FMO1: variants seen among roughly 807,000 people sequenced by gnomAD.
The protein encoded by FMO1 is flavin containing dimethylaniline monoxygenase 1.
In FMO1, 36 loss-of-function variants were observed where a neutral mutation model predicts 45.4. The ratio of observed to expected loss-of-function variants is 0.79; its 90% CI spans 0.61 to 1.05. The LOEUF (loss-of-function observed/expected upper bound fraction) is 1.05, where lower values mean the gene tolerates loss of function less well. Among genes scored for constraint, FMO1 ranks in the 50% least tolerant of loss-of-function variants. FMO1 has a pLI of 0.00. For missense variants in FMO1, 615 were observed against 640.3 expected, an observed-to-expected ratio of 0.96 and a Z score of 0.43; for synonymous variants, 228 against 227.2, an observed-to-expected ratio of 1.00 and a Z score of -0.03.
At chr1:171,283,302 A>C in intron 8 of FMO1, 86 bp downstream of exon 8, 2 of 558,416 alleles carry the variant, frequency 3.6e-6, no homozygotes, top group Non-Finnish European at 5.7e-6. Flanking sequence ...AAAAAAGGAA[A>C]TGAAAAAGAA....
At chr1:171,283,056 G>C in intron 7 of FMO1, 88 bp from the exon 8 acceptor site, 1 of 748,742 alleles carries the variant, frequency 1.3e-6, no homozygotes, top group Middle Eastern at 2.6e-4. Flanking sequence ...GACGTGAAAG[G>C]AGAGCCATAG....
At chr1:171,264,811 A>G (rs374332018) in intron 2 of FMO1, among the ~76,000 whole-genome samples, 1 of 152,090 alleles carries the variant, frequency 6.6e-6, no homozygotes, top group Non-Finnish European at 1.5e-5. Context: ...AGGCAGGAGA[A>G]AGTCGTGAAC....
chr1:171,285,418 G>C lies in FMO1; in HGVS notation c.1473G>C (p.Gln491His). Reference sequence around the variant, plus strand: ...GAGCCAGAAATGCCATCATGACCCAGTGGGACCGAACATTCAAGGTCATCA... The same window carrying C: ...GAGCCAGAAATGCCATCATGACCCACTGGGACCGAACATTCAAGGTCATCA... ...WEGARNAIMT[Q>H]WDRTFKVIKA... The change falls in exon 9 of 9, where the codon CAG (glutamine) becomes CAC (histidine). Residue 491 changes from glutamine to histidine, a missense_variant. Physicochemically the swap from Gln to His is conservative, Grantham distance 24. Coordinates refer to ENST00000617670, the MANE Select transcript of FMO1 (RefSeq NM_001282693.2). 2 of 1,611,928 alleles carry C rather than the reference G, an allele frequency of 1.2e-6. No individual in the cohort carries two copies. Among genetic ancestry groups the C allele is most frequent in the Non-Finnish European group, 1.7e-6 (2 of 1,179,076 alleles).
In FMO1 at chr1:171,280,966, G is replaced by A. The variant is rs761279150; in HGVS notation, c.808G>A (p.Gly270Ser). The A allele has an allele frequency of 1.6e-5, 26 of 1,613,520 alleles. No homozygotes were observed. The highest frequency in any genetic ancestry group is 8.9e-5 in the East Asian group (4 of 44,878). Residue 270 changes from glycine (G) to serine (S), a missense_variant, in exon 6 of 9, where the codon GGC (glycine) becomes AGC (serine). Physicochemically the swap from Gly to Ser is moderately conservative, Grantham distance 56. Transcript: ENST00000617670. Reference protein sequence around the residue: ...INNWLNHANYGLIPEDRTQLK... With the variant: ...INNWLNHANYSLIPEDRTQLK... ...CAACTGGCTCAATCATGCAAATTAC[G>A]GCTTAATACCAGAAGACAGGTAAAT...
chr1:171,285,402 A>G lies in FMO1; in HGVS notation c.1457A>G (p.Asn486Ser), dbSNP rs1466575222. Reference sequence around the variant, plus strand: ...CCAGGAAAATGGGAAGGAGCCAGAAATGCCATCATGACCCAGTGGGACCGA... The same window carrying G: ...CCAGGAAAATGGGAAGGAGCCAGAAGTGCCATCATGACCCAGTGGGACCGA... ...TGPGKWEGAR[N>S]AIMTQWDRTF... The change falls in exon 9 of 9, where the codon AAT becomes AGT. Residue 486 changes from asparagine to serine, a missense_variant. By Grantham distance (46) the Asn-to-Ser change is conservative. Coordinates refer to ENST00000617670, the MANE Select transcript of FMO1 (RefSeq NM_001282693.2). 6.2e-7 allele frequency: 1 copy of G among 1,613,606 alleles called. No individual in the cohort carries two copies. The highest frequency in any genetic ancestry group is 1.1e-5 in the South Asian group (1 of 90,950).
intron 3 of FMO1, among the ~76,000 whole-genome samples, chr1:171,267,969 C>T (rs1660686778): frequency 6.6e-6 from 1 of 152,134 alleles, no homozygotes; most frequent in Non-Finnish European, 1.5e-5. Flanking sequence ...TACTTATATC[C>T]AAGTATCTTA....
chr1:171,280,735 G>A (rs780906275), intron 5 of FMO1, 51 bp from the exon 6 acceptor site: 6 of 1,517,990 alleles, frequency 4.0e-6, no homozygotes, highest in Non-Finnish European at 5.5e-6. Context: ...GGCAGAACCA[G>A]CCAGCCGTGT....
intron 5 of FMO1, among the ~76,000 whole-genome samples, chr1:171,279,445 C>T (rs1661263963): frequency 6.6e-6 from 1 of 152,190 alleles, no homozygotes; most frequent in Non-Finnish European, 1.5e-5. Context: ...ATGAGGAAAC[C>T]AAGGCTTAGA....
intron 5 of FMO1, 41 bp downstream of exon 5, chr1:171,278,912 GATGCATGCCTCAAGCAA>G: frequency 6.6e-7 from 1 of 1,511,842 alleles, no homozygotes; most frequent in South Asian, 1.3e-5. Context: ...TTTATCTTAA[GATGCATGCCTCAAGCAA>G]ATGGTGTTTG....
intron 3 of FMO1, among the ~76,000 whole-genome samples, chr1:171,274,366 T>G (rs1395147691): frequency 1.3e-5 from 2 of 151,936 alleles, no homozygotes; most frequent in Non-Finnish European, 2.9e-5. Flanking sequence ...GCACAGGTGA[T>G]TCTCCCAAAT....
At chr1:171,283,565 A>T (rs762630069) in intron 8 of FMO1, among the ~76,000 whole-genome samples, 12 of 152,322 alleles carry the variant, frequency 7.9e-5, no homozygotes, top group Non-Finnish European at 1.8e-4. Flanking sequence ...ATCCATAATC[A>T]ACAGGCAAGC....
Position 171,285,384 on chromosome 1 carries a change from A to G in FMO1, c.1439A>G (p.Lys480Arg). ...PYQFRLTGPG[K>R]WEGARNAIMT... Reference sequence around the variant, plus strand: ...CAGTTCCGCTTGACTGGCCCAGGAAAATGGGAAGGAGCCAGAAATGCCATC... The same window carrying G: ...CAGTTCCGCTTGACTGGCCCAGGAAGATGGGAAGGAGCCAGAAATGCCATC... Residue 480 changes from lysine to arginine, a missense_variant, in exon 9 of 9, where the codon AAA becomes AGA. Physicochemically the swap from Lys to Arg is conservative, Grantham distance 26. Transcript: ENST00000617670. 1 of 1,613,632 alleles carries G rather than the reference A, an allele frequency of 6.2e-7. No individual in the cohort carries two copies. Among genetic ancestry groups the G allele is most frequent in the Non-Finnish European group, 8.5e-7 (1 of 1,179,880 alleles).
chr1:171,252,230 G>C (rs894625821), intron 1 of FMO1, among the ~76,000 whole-genome samples: 5 of 152,062 alleles, frequency 3.3e-5, no homozygotes, highest in Non-Finnish European at 1.5e-5. Flanking sequence ...CAGATCCTCC[G>C]ATCCCACCCC....
chr1:171,270,861 T>G (rs1660827706), intron 3 of FMO1: 2 of 693,426 alleles, frequency 2.9e-6, no homozygotes, highest in Non-Finnish European at 4.7e-6. Context: ...TACACAGACT[T>G]ACATTTCCAT....
At chr1:171,277,052 C>A (rs535303550) in intron 4 of FMO1, among the ~76,000 whole-genome samples, 1 of 152,236 alleles carries the variant, frequency 6.6e-6, no homozygotes, top group East Asian at 1.9e-4. Context: ...GGCTTGCAGT[C>A]TTTCTTAAAA....
chr1:171,273,026 T>C (rs1174907228), intron 3 of FMO1, among the ~76,000 whole-genome samples: 2 of 152,194 alleles, frequency 1.3e-5, no homozygotes, highest in African/African-American at 4.8e-5. Flanking sequence ...AATTCTCACA[T>C]GTTGTGAGAG....
intron 2 of FMO1, among the ~76,000 whole-genome samples, chr1:171,265,527 C>A (rs577602462): frequency 1.3e-5 from 2 of 150,834 alleles, no homozygotes; most frequent in Admixed American, 6.6e-5. Flanking sequence ...CAGTAAGTGT[C>A]ATTAAACAAC....
chr1:171,269,108 T>C (rs1398568981), intron 3 of FMO1, among the ~76,000 whole-genome samples: 1 of 152,198 alleles, frequency 6.6e-6, no homozygotes, highest in Non-Finnish European at 1.5e-5. Context: ...ATTAAACCTC[T>C]TTCCTTTGTA....
At chr1:171,284,179 AAAAAAAAAC>A (rs1244958551) in intron 8 of FMO1, among the ~76,000 whole-genome samples, 1 of 131,288 alleles carries the variant, frequency 7.6e-6, no homozygotes, top group Non-Finnish European at 1.5e-5. Context: ...TGTGGCAAAA[AAAAAAAAAC>A]AAAAAACAGC....
Sources: gnomAD v4.1 joint callset for allele counts (sites outside exome capture counted in the v4.1 genomes callset) on GRCh38, gnomAD v4.1.1 for gene constraint, MANE v1.5 for transcripts, NCBI Gene and HGNC (gene_info 2026-07-23, HGNC 2026-07-21) for gene names.